OCA2: variants seen among roughly 807,000 people sequenced by gnomAD.
OCA2 encodes the protein P protein.
A neutral mutation model predicts 100.2 loss-of-function variants in OCA2; 77 were observed. The ratio of observed to expected loss-of-function variants is 0.77; its 90% CI spans 0.64 to 0.93. OCA2 has a LOEUF of 0.93. Among genes scored for constraint, OCA2 ranks in the 40% least tolerant of loss-of-function variants. The pLI is 0.00. For synonymous variants in OCA2, 432 were observed against 439.2 expected (o/e 0.98, Z 0.21); for missense variants, 1,062 against 1,089.1 (o/e 0.98, Z 0.35).
intron 23 of OCA2, among the ~76,000 whole-genome samples, chr15:27,771,460 G>C (rs1038533985): frequency 6.6e-6 from 1 of 152,166 alleles, no homozygotes; most frequent in African/African-American, 2.4e-5. Flanking sequence ...GCAGAGGCGT[G>C]GGTTCTCCAG....
rs78896849 is a variant in OCA2 at position 27,923,657 on chromosome 15, T to C, written c.2079+2470A>G. ...TACACTTATTGGCTGCGTGTATGTC[T>C]TCTTTTGAAAGCATTCATGTCCTTT... On this transcript the variant is annotated intron_variant, in intron 19 of 23. Coordinates refer to ENST00000354638, the MANE Select transcript of OCA2 (RefSeq NM_000275.3). 6.1e-3 allele frequency among the ~76,000 whole-genome samples: 924 copies of C among 152,384 alleles called. 12 individuals are homozygous for C. Among genetic ancestry groups the C allele is most frequent in the African/African-American group, 0.021 (870 of 41,588 alleles).
At chr15:27,910,617 A>G (rs1040073519) in intron 19 of OCA2, among the ~76,000 whole-genome samples, 4 of 152,000 alleles carry the variant, frequency 2.6e-5, no homozygotes, top group African/African-American at 9.7e-5. Context: ...AGTAATAAAG[A>G]AGGGGATACA....
chr15:28,084,155 C>T (rs1271029022), intron 1 of OCA2, among the ~76,000 whole-genome samples: 7 of 152,202 alleles, frequency 4.6e-5, no homozygotes, highest in African/African-American at 1.2e-4. Flanking sequence ...GTGGACACGG[C>T]GAGAAGATGC....
rs558807070 is a variant in OCA2, at chr15:27,971,923, GAGT to G, written c.1504-5104_1504-5102del. 5.8e-4 allele frequency among the ~76,000 whole-genome samples: 89 copies of G among 152,208 alleles called. 1 individual carries two copies. The highest frequency in any genetic ancestry group is 2.1e-3 in the African/African-American group (87 of 41,546). On this transcript the variant is annotated intron_variant, in intron 14 of 23. Coordinates refer to ENST00000354638, the MANE Select transcript of OCA2 (RefSeq NM_000275.3). ...TGGGATTTTAGTGCACCCATCACCA[GAGT>G]AGTGGACATTGTACATAATATGTAG...
intron 23 of OCA2, among the ~76,000 whole-genome samples, chr15:27,786,060 A>T (rs930407951): frequency 1.3e-4 from 20 of 152,196 alleles, no homozygotes; most frequent in African/African-American, 2.4e-5. Context: ...ACAGATATAC[A>T]TCTAACTTTG....
chr15:28,076,621 G>T (rs2044434092), intron 2 of OCA2, among the ~76,000 whole-genome samples: 1 of 151,960 alleles, frequency 6.6e-6, no homozygotes, highest in Non-Finnish European at 1.5e-5. Flanking sequence ...GCCGAGGCGG[G>T]TGGATCATGA....
At chr15:28,036,656 A>C (rs1210845084) in intron 2 of OCA2, among the ~76,000 whole-genome samples, 1 of 152,232 alleles carries the variant, frequency 6.6e-6, no homozygotes, top group African/African-American at 2.4e-5. Flanking sequence ...TTTCTAGATC[A>C]AAACACTTAA....
chr15:27,797,135 G>A (rs1595427053), intron 23 of OCA2, among the ~76,000 whole-genome samples: 1 of 152,204 alleles, frequency 6.6e-6, no homozygotes, highest in African/African-American at 2.4e-5. Context: ...CGCCTCCTTT[G>A]AGGAGCAGCT....
chr15:27,908,416 C>A (rs940980956), intron 19 of OCA2, among the ~76,000 whole-genome samples: 1 of 147,526 alleles, frequency 6.8e-6, no homozygotes, highest in African/African-American at 2.5e-5. Flanking sequence ...GTATATATAT[C>A]TAATCCTAAA....
In OCA2 at chr15:27,894,979, C is replaced by T. The variant is rs553745428; in HGVS notation, c.2080-23057G>A. On this transcript the variant is annotated intron_variant, in intron 19 of 23. Coordinates refer to ENST00000354638, the MANE Select transcript of OCA2 (RefSeq NM_000275.3). Reference sequence around the variant, plus strand: ...GTTGGATTGTGACATATACTTTAGCCCAGCTCAGAGTTGTGATGATGACAC... The same window carrying T: ...GTTGGATTGTGACATATACTTTAGCTCAGCTCAGAGTTGTGATGATGACAC... 1.2e-4 allele frequency among the ~76,000 whole-genome samples: 19 copies of T among 152,288 alleles called. No individual in the cohort carries two copies. In the East Asian group the frequency reaches 3.7e-3, roughly 29 times the overall value.
At chr15:28,023,832 G>A (rs1032379853) in intron 5 of OCA2, among the ~76,000 whole-genome samples, 5 of 150,574 alleles carry the variant, frequency 3.3e-5, no homozygotes, top group African/African-American at 1.2e-4. Context: ...AGCAGGCACA[G>A]GGGACCACAC....
chr15:27,826,130 T>C (rs767868421), intron 23 of OCA2, among the ~76,000 whole-genome samples: 1 of 152,084 alleles, frequency 6.6e-6, no homozygotes, highest in Non-Finnish European at 1.5e-5. Flanking sequence ...TCCACCAAAA[T>C]GGTAAGCAAT....
At chr15:27,789,197 CT>C (rs890773485) in intron 23 of OCA2, among the ~76,000 whole-genome samples, 8 of 96,500 alleles carry the variant, frequency 8.3e-5, no homozygotes, top group Admixed American at 3.4e-4. Context: ...TTCCAGTGCT[CT>C]TTTTTTTTCT....
chr15:28,071,793 T>C (rs1366619881), intron 2 of OCA2, among the ~76,000 whole-genome samples: 1 of 152,222 alleles, frequency 6.6e-6, no homozygotes, highest in Non-Finnish European at 1.5e-5. Context: ...GATTTAAATA[T>C]AAGACCTCAA....
At chr15:28,018,091 C>T (rs996919120) in intron 7 of OCA2, among the ~76,000 whole-genome samples, 17 of 147,060 alleles carry the variant, frequency 1.2e-4, no homozygotes, top group African/African-American at 2.0e-4. Context: ...TGCACTTCAA[C>T]GACACCAAAA....
downstream of OCA2, among the ~76,000 whole-genome samples, chr15:27,753,718 C>A (rs949806254): frequency 6.6e-6 from 1 of 151,582 alleles, no homozygotes; most frequent in Non-Finnish European, 1.5e-5. Context: ...GCCTGGGCAA[C>A]TGAGCGAGAC....
intron 19 of OCA2, among the ~76,000 whole-genome samples, chr15:27,924,445 A>G (rs1281626119): frequency 6.6e-6 from 1 of 152,020 alleles, no homozygotes. Flanking sequence ...TACATTGCAC[A>G]AAATAATTGA....
intron 9 of OCA2, among the ~76,000 whole-genome samples, chr15:28,014,314 A>G (rs2042320768): frequency 6.6e-6 from 1 of 152,360 alleles, no homozygotes; most frequent in East Asian, 1.9e-4. Flanking sequence ...CCAAGTTGGT[A>G]GACGGAACAG....
Position 28,024,863 on chromosome 15 carries a change from G to A in OCA2, c.555C>T (p.Ala185=), listed in dbSNP as rs1470882387. 3 of 1,614,120 alleles carry A rather than the reference G, an allele frequency of 1.9e-6. No homozygotes were observed. Among genetic ancestry groups the A allele is most frequent in the Non-Finnish European group, 1.7e-6 (2 of 1,180,056 alleles). The change falls in exon 5 of 24, where the codon GCC becomes GCT. Residue 185 remains alanine (A), a synonymous_variant. Coordinates refer to ENST00000354638, the MANE Select transcript of OCA2 (RefSeq NM_000275.3). ...TACTCACAGAACACAGCACCACAAA[G>A]GCAAACAGGCCCATGACTTTCAGCC... is the stretch of plus-strand genomic sequence containing the variant. ...VQWLKVMGLF[A]FVVLCSILFS... is the part of the protein sequence containing the mutation.
Sources: gnomAD v4.1 joint callset for allele counts (sites outside exome capture counted in the v4.1 genomes callset) on GRCh38, gnomAD v4.1.1 for gene constraint, MANE v1.5 for transcripts, NCBI Gene and HGNC (gene_info 2026-07-23, HGNC 2026-07-21) for gene names.